Variants in KCNN3 observed in about 807,000 individuals in gnomAD.
KCNN3 encodes the protein potassium calcium-activated channel subfamily N member 3.
Under a neutral mutation model 62.9 loss-of-function variants are expected in KCNN3, and 16 were observed. The ratio of observed to expected loss-of-function variants is 0.25; its 90% confidence interval spans 0.17 to 0.39. The LOEUF (loss-of-function observed/expected upper bound fraction) is 0.39. KCNN3 is among the 10% of genes least tolerant of loss of function. KCNN3 has a pLI of 1.00. For missense variants in KCNN3, 599 were observed against 949.4 expected, an observed-to-expected ratio of 0.63 and a Z score of 4.85; for synonymous variants, 370 against 389.2, an observed-to-expected ratio of 0.95 and a Z score of 0.58.
intron 2 of KCNN3, among the ~76,000 whole-genome samples, chr1:154,814,116 C>A (rs1650556999): frequency 6.6e-6 from 1 of 152,256 alleles, no homozygotes; most frequent in African/African-American, 2.4e-5. Context: ...ACTGGGCAAC[C>A]TGCTGGGACC....
chr1:154,745,721 T>A (rs1233127628), intron 3 of KCNN3, among the ~76,000 whole-genome samples: 1 of 152,232 alleles, frequency 6.6e-6, no homozygotes, highest in East Asian at 1.9e-4. Context: ...AGATGGCTCA[T>A]CTGGCAAATC....
In KCNN3 at chr1:154,853,593, A is replaced by C. The variant is rs183964270; in HGVS notation, c.933+15439T>G. On this transcript the variant is annotated intron_variant, in intron 1 of 7. Transcript: ENST00000271915. ...AGCGATCCTCCTGCCTCGGCCTCTC[A>C]AAGTGCTAGAATTACAGGCATTAGC... 1.2e-4 allele frequency among the ~76,000 whole-genome samples: 18 copies of C among 152,292 alleles called. No individual in the cohort carries two copies. In the East Asian group the frequency reaches 3.3e-3, roughly 28 times the overall value.
At chr1:154,715,566 T>C (rs1700216941) in intron 5 of KCNN3, among the ~76,000 whole-genome samples, 1 of 152,074 alleles carries the variant, frequency 6.6e-6, no homozygotes, top group Non-Finnish European at 1.5e-5. Flanking sequence ...TCTTCCTTTC[T>C]TTCTTTCTTT....
chr1:154,748,077 G>A (rs1410356760), intron 3 of KCNN3, among the ~76,000 whole-genome samples: 5 of 152,200 alleles, frequency 3.3e-5, no homozygotes, highest in African/African-American at 1.2e-4. Context: ...CGGTCGGCAG[G>A]TGCTGAGAAA....
intron 6 of KCNN3, 147 bp downstream of exon 6, chr1:154,714,729 T>G (rs879130889): frequency 2.7e-4 from 300 of 1,092,922 alleles, no homozygotes; most frequent in East Asian, 4.8e-4. Context: ...ATGTGGCTGG[T>G]GCAGTCAGTG....
chr1:154,864,679 C>A (rs181412218), intron 1 of KCNN3, among the ~76,000 whole-genome samples: 4 of 152,226 alleles, frequency 2.6e-5, no homozygotes, highest in African/African-American at 9.6e-5. Flanking sequence ...GACAGGGCAG[C>A]CTGGATAAGC....
At chr1:154,774,122 G>A (rs1013875246) in intron 2 of KCNN3, among the ~76,000 whole-genome samples, 2 of 152,206 alleles carry the variant, frequency 1.3e-5, no homozygotes, top group Non-Finnish European at 2.9e-5. Context: ...GTTCGTATAT[G>A]CAACATGCAT....
chr1:154,738,607 C>G (rs982937763), intron 3 of KCNN3, among the ~76,000 whole-genome samples: 1 of 152,158 alleles, frequency 6.6e-6, no homozygotes, highest in Non-Finnish European at 1.5e-5. Context: ...CAGGTGCTCA[C>G]CAGGTGCGGA....
At position 154,870,204 on chromosome 1, in the gene KCNN3, G is replaced by C; in HGVS notation, c.-240C>G. 1 of 687,602 alleles carries C rather than the reference G, an allele frequency of 1.5e-6. No homozygotes were observed. The highest frequency in any genetic ancestry group is 2.7e-6 in the Non-Finnish European group (1 of 375,582). 42.6% of individuals were successfully genotyped at this position (687,602 alleles called of 1,614,324 possible). A position where few individuals can be genotyped will look rare whatever the true frequency, so the allele number is the denominator to read the frequency against. ...AGGGGAGCTTGGAGAAAGAAGAGGG[G>C]GTGAAAGAACTCTCTCAGGAGGTGG... On this transcript the variant is annotated 5_prime_UTR_variant, in exon 1 of 8. Transcript: ENST00000271915.
At chr1:154,729,008 G>A (rs1319411597) in intron 4 of KCNN3, among the ~76,000 whole-genome samples, 1 of 152,206 alleles carries the variant, frequency 6.6e-6, no homozygotes, top group African/African-American at 2.4e-5. Context: ...TCACTTAGGT[G>A]AGTTAATAGT....
intron 1 of KCNN3, among the ~76,000 whole-genome samples, chr1:154,832,762 T>A (rs1396386035): frequency 2.0e-5 from 3 of 152,220 alleles, no homozygotes; most frequent in African/African-American, 7.2e-5. Context: ...GGGCTCCCTG[T>A]TAGACTGGGT....
At chr1:154,714,524 T>TTGTGTGTGGGGTGTG (rs1700182176) in intron 6 of KCNN3, among the ~76,000 whole-genome samples, 3 of 49,846 alleles carry the variant, frequency 6.0e-5, no homozygotes, top group African/African-American at 2.6e-4. Context: ...TGTGTGGTGT[T>TTGTGTGTGGGGTGTG]TGTGTGTGGT....
At chr1:154,713,609 C>G in intron 6 of KCNN3, 76 bp from the exon 7 acceptor site, 1 of 1,174,626 alleles carries the variant, frequency 8.5e-7, no homozygotes, top group Middle Eastern at 1.9e-4. Context: ...ATCCTCCAGC[C>G]CTACCACTGC....
intron 1 of KCNN3, among the ~76,000 whole-genome samples, chr1:154,843,814 GC>G (rs1651931625): frequency 6.6e-6 from 1 of 152,238 alleles, no homozygotes; most frequent in Admixed American, 6.5e-5. Context: ...GAAGTCCAAT[GC>G]CTCAGCAAGA....
intron 1 of KCNN3, among the ~76,000 whole-genome samples, chr1:154,823,505 G>T (rs1650988444): frequency 6.6e-6 from 1 of 152,190 alleles, no homozygotes; most frequent in African/African-American, 2.4e-5. Flanking sequence ...GATATTACAG[G>T]CTGAGGCCCA....
At chr1:154,851,553 G>T (rs1404718016) in intron 1 of KCNN3, among the ~76,000 whole-genome samples, 1 of 152,136 alleles carries the variant, frequency 6.6e-6, no homozygotes, top group Non-Finnish European at 1.5e-5. Flanking sequence ...CATCCTTCCA[G>T]TTGCTTGGGC....
rs1318948423 is a variant in KCNN3, at chr1:154,822,028, C to T, written c.1029+61G>A. On this transcript the variant is annotated intron_variant, in intron 2 of 7. Transcript: ENST00000271915. Reference sequence around the variant, plus strand: ...TGGGTTTTGGGGGTGGGGATGGGCTCGGCTCAGAGCAAGGCCAAAGGATCA... The same window carrying T: ...TGGGTTTTGGGGGTGGGGATGGGCTTGGCTCAGAGCAAGGCCAAAGGATCA... 1.1e-5 allele frequency: 14 copies of T among 1,305,758 alleles called. 1 individual carries two copies. The highest frequency in any genetic ancestry group is 4.8e-5 in the South Asian group (4 of 82,998). The allele number at this position is 1,305,758 out of a possible 1,614,324, so 80.9% of individuals were successfully genotyped here.
At chr1:154,757,366 C>T (rs879917774) in intron 3 of KCNN3, among the ~76,000 whole-genome samples, 9 of 152,226 alleles carry the variant, frequency 5.9e-5, no homozygotes, top group Non-Finnish European at 1.0e-4. Flanking sequence ...GGCTGAACCA[C>T]TCCTCTGGCC....
At position 154,733,086 on chromosome 1, in the gene KCNN3, T is replaced by C; in HGVS notation, c.1507A>G (p.Ile503Val). 1 of 1,614,008 alleles carries C rather than the reference T, an allele frequency of 6.2e-7. No homozygotes were observed. The highest frequency in any genetic ancestry group is 8.5e-7 in the Non-Finnish European group (1 of 1,179,894). The change falls in exon 4 of 8, where the codon ATC (isoleucine) becomes GTC (valine). Residue 503 changes from isoleucine to valine, a missense_variant. Transcript: ENST00000271915. Reference sequence around the variant, plus strand: ...CCATAACCAATGGAAAGGAATGTGATGGAGATGAGCCACATGGCACCCAGA... The same window carrying C: ...CCATAACCAATGGAAAGGAATGTGACGGAGATGAGCCACATGGCACCCAGA... ...NFLGAMWLIS[I>V]TFLSIGYGDM...
Sources: gnomAD v4.1 joint callset for allele counts (sites outside exome capture counted in the v4.1 genomes callset) on GRCh38, gnomAD v4.1.1 for gene constraint, MANE v1.5 for transcripts, NCBI Gene and HGNC (gene_info 2026-07-23, HGNC 2026-07-21) for gene names.